The following CSMD1 variants were observed in gnomAD, a reference collection of about 807,000 sequenced individuals.
The protein encoded by CSMD1 is CUB and sushi domain-containing protein 1.
CSMD1 carries 213 observed loss-of-function variants against 417.5 expected under a neutral mutation model. The observed-to-expected ratio is 0.51, with a 90% CI of 0.46 to 0.57. The LOEUF (loss-of-function observed/expected upper bound fraction) is 0.57, where lower values mean the gene tolerates loss of function less well. Among genes scored for constraint, CSMD1 ranks in the 20% least tolerant of loss-of-function variants. The probability of loss-of-function intolerance (pLI) is 0.00; values close to 1 mark genes in which losing one functional copy is unlikely to be tolerated. For missense variants in CSMD1, 6,923 were observed against 4,529.7 expected, an observed-to-expected ratio of 1.53 and a Z score of -15.17; for synonymous variants, 2,862 against 1,736.8, an observed-to-expected ratio of 1.65 and a Z score of -16.11.
chr8:3,940,316 A>G (rs1376896068), intron 5 of CSMD1, among the ~76,000 whole-genome samples: 4 of 152,090 alleles, frequency 2.6e-5, no homozygotes, highest in Admixed American at 2.0e-4. Flanking sequence ...TATACACTTA[A>G]TATTTTTCAA....
At chr8:4,404,443 C>A (rs750693446) in intron 3 of CSMD1, among the ~76,000 whole-genome samples, 2 of 151,990 alleles carry the variant, frequency 1.3e-5, no homozygotes, top group African/African-American at 2.4e-5. Flanking sequence ...TGTCAAGCAA[C>A]GAAAGTAATT....
chr8:4,579,240 G>A (rs747690101), intron 2 of CSMD1, among the ~76,000 whole-genome samples: 9 of 150,992 alleles, frequency 6.0e-5, no homozygotes, highest in Non-Finnish European at 1.2e-4. Flanking sequence ...TGCCAACGGC[G>A]AAGTTTAAAC....
chr8:3,719,392 G>C (rs944114244), intron 6 of CSMD1, among the ~76,000 whole-genome samples: 1 of 152,136 alleles, frequency 6.6e-6, no homozygotes, highest in East Asian at 1.9e-4. Context: ...AGAAGGGCTT[G>C]AATTAACTAC....
chr8:4,831,877 A>C (rs1800173978), intron 1 of CSMD1, among the ~76,000 whole-genome samples: 1 of 151,928 alleles, frequency 6.6e-6, no homozygotes, highest in Non-Finnish European at 1.5e-5. Flanking sequence ...TGCAAGGATG[A>C]GGATGAAGAG....
intron 2 of CSMD1, among the ~76,000 whole-genome samples, chr8:4,552,716 G>A (rs1047604076): frequency 1.3e-5 from 2 of 152,120 alleles, no homozygotes; most frequent in Non-Finnish European, 2.9e-5. Flanking sequence ...ATGCTCAGAA[G>A]CTTTAAAATT....
chr8:4,167,257 A>C lies in CSMD1; in HGVS notation c.416-135158T>G, dbSNP rs191837021. On this transcript the variant is annotated intron_variant, in intron 3 of 69. Transcript: ENST00000635120. Reference sequence around the variant, plus strand: ...AAGGAGTGTCTTCGAAGGTGAGAAAAACAGTTTTTCCTTGCAGTTTAGAAA... The same window carrying C: ...AAGGAGTGTCTTCGAAGGTGAGAAACACAGTTTTTCCTTGCAGTTTAGAAA... Among the ~76,000 whole-genome samples the C allele has an allele frequency of 1.0e-3, 157 of 152,204 alleles. 1 individual carries two copies. Among genetic ancestry groups the C allele is most frequent in the African/African-American group, 3.6e-3 (151 of 41,530 alleles).
intron 7 of CSMD1, among the ~76,000 whole-genome samples, chr8:3,650,461 T>C (rs1413431207): frequency 2.0e-5 from 3 of 152,152 alleles, no homozygotes; most frequent in Non-Finnish European, 4.4e-5. Context: ...GAAGAACTCA[T>C]CATGCTCTAG....
chr8:4,761,159 C>G (rs1812016454), intron 1 of CSMD1, among the ~76,000 whole-genome samples: 1 of 152,044 alleles, frequency 6.6e-6, no homozygotes, highest in Admixed American at 6.6e-5. Context: ...TGAAAAAAGT[C>G]ACTATGAAAG....
rs375942865 is a variant in CSMD1, at chr8:4,637,377, G to A, written c.267C>T (p.Tyr89=). 32 of 1,613,724 alleles carry A rather than the reference G, an allele frequency of 2.0e-5. No homozygotes were observed. The highest frequency in any genetic ancestry group is 4.5e-5 in the East Asian group (2 of 44,888). Residue 89 remains tyrosine, a synonymous_variant, in exon 2 of 70, where the codon TAC becomes TAT. Coordinates refer to ENST00000635120, the MANE Select transcript of CSMD1 (RefSeq NM_033225.6). ...LEEDFDILSV[Y]DGQPQQGNLK... is the part of the protein sequence containing the mutation. ...AATTCCCTTGTTGAGGCTGTCCATC[G>A]TAAACTGATAAAATATCAAAATCTT...
At chr8:3,145,783 T>G (rs965096600) in intron 40 of CSMD1, among the ~76,000 whole-genome samples, 1 of 152,230 alleles carries the variant, frequency 6.6e-6, no homozygotes, top group Non-Finnish European at 1.5e-5. Context: ...TACTAAAGCA[T>G]ATATATTATT....
intron 7 of CSMD1, among the ~76,000 whole-genome samples, chr8:3,662,385 T>C (rs1486598375): frequency 6.6e-6 from 1 of 152,178 alleles, no homozygotes; most frequent in African/African-American, 2.4e-5. Context: ...TCTCCCTAAC[T>C]TAAATATATG....
At chr8:4,710,776 T>C (rs58770637) in intron 1 of CSMD1, among the ~76,000 whole-genome samples, 2,487 of 150,388 alleles carry the variant, frequency 0.017, 47 homozygotes, top group African/African-American at 0.047. Flanking sequence ...ACCCGGGAGG[T>C]GGAGGATGAC....
intron 3 of CSMD1, among the ~76,000 whole-genome samples, chr8:4,319,557 C>G (rs533372201): frequency 4.6e-5 from 7 of 152,166 alleles, no homozygotes; most frequent in African/African-American, 1.4e-4. Flanking sequence ...ATAAAGGAAA[C>G]ATTAATTGTT....
rs185873569 is a variant in CSMD1, at chr8:4,365,075, T to C, written c.415+54878A>G. Among the ~76,000 whole-genome samples the C allele has an allele frequency of 4.9e-3, 741 of 152,284 alleles. 4 individuals carry two copies. Among genetic ancestry groups the C allele is most frequent in the African/African-American group, 0.017 (693 of 41,570 alleles). ...GGACATTTTCCATATTCATCAGTTG[T>C]AATGGCAAGTTTACAAGAAAAAGTT... On this transcript the variant is annotated intron_variant, in intron 3 of 69. Coordinates refer to ENST00000635120, the MANE Select transcript of CSMD1 (RefSeq NM_033225.6).
rs55757538 is a variant in CSMD1, at chr8:3,485,538, CAGAGAG to C, written c.1448+8079_1448+8084del. On this transcript the variant is annotated intron_variant, in intron 11 of 69. Coordinates refer to ENST00000635120, the MANE Select transcript of CSMD1 (RefSeq NM_033225.6). ...AACTTCATAACAATACACACACACA[CAGAGAG>C]AGAGAGAGAGAGAGAGAGAGGGAGA... 3.7e-5 allele frequency among the ~76,000 whole-genome samples: 5 copies of C among 135,024 alleles called. No homozygotes were observed. In the East Asian group the frequency reaches 6.1e-4, roughly 17 times the overall value. 88.6% of individuals were successfully genotyped at this position (135,024 alleles called of 152,430 possible).
chr8:4,065,516 G>C (rs1052421323), intron 3 of CSMD1, among the ~76,000 whole-genome samples: 1 of 151,974 alleles, frequency 6.6e-6, no homozygotes, highest in Non-Finnish European at 1.5e-5. Flanking sequence ...TCAAAGTGAA[G>C]TTACGGTATC....
chr8:3,541,352 A>G (rs996317489), intron 10 of CSMD1, among the ~76,000 whole-genome samples: 6 of 152,104 alleles, frequency 3.9e-5, no homozygotes, highest in African/African-American at 1.2e-4. Context: ...CAGGGAAAGG[A>G]ACAACATGCA....
intron 1 of CSMD1, among the ~76,000 whole-genome samples, chr8:4,975,489 T>C (rs965730566): frequency 6.6e-6 from 1 of 152,194 alleles, no homozygotes; most frequent in African/African-American, 2.4e-5. Flanking sequence ...AGTCAAGTTA[T>C]GTCAGGGCTG....
chr8:3,501,546 A>G (rs1796601263), intron 10 of CSMD1, among the ~76,000 whole-genome samples: 1 of 152,226 alleles, frequency 6.6e-6, no homozygotes, highest in Admixed American at 6.5e-5. Flanking sequence ...TTTAATTAAT[A>G]ACTGTAGGTT....
Sources: allele counts gnomAD v4.1 joint callset (sites outside exome capture counted in the v4.1 genomes callset), GRCh38; gene constraint gnomAD v4.1.1; transcripts MANE v1.5; gene names NCBI Gene and HGNC (gene_info 2026-07-23, HGNC 2026-07-21).